GPC5: variants seen among roughly 807,000 people sequenced by gnomAD.
GPC5 encodes glypican 5.
In GPC5, 47 loss-of-function variants were observed where a neutral mutation model predicts 53.9. The observed-to-expected ratio is 0.87, with a 90% CI of 0.69 to 1.11. GPC5 has a LOEUF of 1.11. Among genes scored for constraint, GPC5 ranks in the 50% most tolerant of loss-of-function variants. The pLI, the probability that GPC5 is intolerant of heterozygous loss-of-function variation, is 0.00. For missense variants in GPC5, 748 were observed against 713.1 expected, an observed-to-expected ratio of 1.05 and a Z score of -0.56; for synonymous variants, 286 against 263.3, an observed-to-expected ratio of 1.09 and a Z score of -0.84.
chr13:91,682,321 C>T (rs2035526993), intron 2 of GPC5, among the ~76,000 whole-genome samples: 1 of 152,136 alleles, frequency 6.6e-6, no homozygotes, highest in Non-Finnish European at 1.5e-5. Flanking sequence ...ATGGCAAGTA[C>T]ATGGCAAAAG....
At chr13:92,712,890 A>G (rs1378667443) in intron 7 of GPC5, among the ~76,000 whole-genome samples, 2 of 152,198 alleles carry the variant, frequency 1.3e-5, no homozygotes, top group Non-Finnish European at 2.9e-5. Context: ...GTGAAGACAG[A>G]CGGAGAAGAC....
intron 7 of GPC5, among the ~76,000 whole-genome samples, chr13:92,517,501 G>A (rs142607233): frequency 3.3e-5 from 5 of 152,272 alleles, no homozygotes; most frequent in Non-Finnish European, 4.4e-5. Flanking sequence ...CCAGAGGAAC[G>A]ATCACGCAGC....
At chr13:91,672,330 A>G (rs1263729735) in intron 2 of GPC5, among the ~76,000 whole-genome samples, 6 of 152,200 alleles carry the variant, frequency 3.9e-5, no homozygotes, top group Non-Finnish European at 5.9e-5. Flanking sequence ...AATTTTTGCA[A>G]TCTACCTATC....
chr13:92,481,253 A>G (rs1036255820), intron 7 of GPC5, among the ~76,000 whole-genome samples: 2 of 151,842 alleles, frequency 1.3e-5, no homozygotes, highest in Non-Finnish European at 2.9e-5. Flanking sequence ...GGTGCCCACC[A>G]CCATGCCCAG....
At chr13:91,765,681 A>G (rs1416274983) in intron 5 of GPC5, among the ~76,000 whole-genome samples, 2 of 152,240 alleles carry the variant, frequency 1.3e-5, no homozygotes, top group Admixed American at 1.3e-4. Context: ...TTGAAATAAA[A>G]GAAGTGTACA....
intron 2 of GPC5, among the ~76,000 whole-genome samples, chr13:91,676,730 T>G (rs1206383513): frequency 6.6e-6 from 1 of 152,186 alleles, no homozygotes; most frequent in Non-Finnish European, 1.5e-5. Flanking sequence ...TTTGGAGGCT[T>G]TTGAAAACAC....
At chr13:92,523,389 G>A (rs1314499578) in intron 7 of GPC5, among the ~76,000 whole-genome samples, 2 of 152,090 alleles carry the variant, frequency 1.3e-5, no homozygotes, top group East Asian at 1.9e-4. Flanking sequence ...TAGCAAAAAT[G>A]TTCTTTGATA....
chr13:92,760,609 T>G (rs773626804), intron 7 of GPC5, among the ~76,000 whole-genome samples: 5 of 152,004 alleles, frequency 3.3e-5, no homozygotes, highest in Non-Finnish European at 7.4e-5. Context: ...AAAAACCATC[T>G]GTTCTATTGA....
chr13:92,324,754 G>C (rs1273397998), intron 7 of GPC5, among the ~76,000 whole-genome samples: 6 of 151,660 alleles, frequency 4.0e-5, no homozygotes, highest in Middle Eastern at 6.8e-3. Context: ...TTATTATTAT[G>C]TTAGTGACTT....
At chr13:92,851,542 T>G (rs1462654269) in intron 7 of GPC5, among the ~76,000 whole-genome samples, 3 of 152,140 alleles carry the variant, frequency 2.0e-5, no homozygotes, top group African/African-American at 7.2e-5. Flanking sequence ...TGTATTATTA[T>G]GTTTTCTCTT....
intron 7 of GPC5, among the ~76,000 whole-genome samples, chr13:92,809,990 T>C (rs1877235670): frequency 1.3e-5 from 2 of 152,202 alleles, no homozygotes; most frequent in South Asian, 2.1e-4. Flanking sequence ...AGAAAAATCT[T>C]CTGCAACACT....
chr13:91,739,568 G>C (rs1197055557), intron 4 of GPC5, among the ~76,000 whole-genome samples: 1 of 151,174 alleles, frequency 6.6e-6, no homozygotes, highest in Non-Finnish European at 1.5e-5. Context: ...GCTCAAGTGG[G>C]GCTGGAGTAT....
intron 7 of GPC5, among the ~76,000 whole-genome samples, chr13:92,736,312 T>C (rs1048395967): frequency 6.6e-6 from 1 of 152,038 alleles, no homozygotes; most frequent in Non-Finnish European, 1.5e-5. Context: ...CAGGAAGTTA[T>C]TGCCTAAATG....
chr13:92,564,087 T>C (rs1399215640), intron 7 of GPC5, among the ~76,000 whole-genome samples: 1 of 152,036 alleles, frequency 6.6e-6, no homozygotes, highest in African/African-American at 2.4e-5. Context: ...AGAGAAATAA[T>C]TCAAGAATAA....
intron 6 of GPC5, among the ~76,000 whole-genome samples, chr13:92,083,412 G>GA (rs1172721062): frequency 2.0e-5 from 3 of 151,720 alleles, no homozygotes; most frequent in Non-Finnish European, 4.4e-5. Flanking sequence ...TTCCAGAAAA[G>GA]AAAAAAACAT....
chr13:91,757,872 T>C (rs2037328417), intron 5 of GPC5, among the ~76,000 whole-genome samples: 3 of 152,172 alleles, frequency 2.0e-5, no homozygotes, highest in Admixed American at 6.5e-5. Flanking sequence ...GCAAATTAAC[T>C]TTGCTATGAT....
At chr13:91,418,938 C>T (rs1322465771) in intron 1 of GPC5, among the ~76,000 whole-genome samples, 1 of 151,888 alleles carries the variant, frequency 6.6e-6, no homozygotes, top group Non-Finnish European at 1.5e-5. Flanking sequence ...TTCAGTTGTA[C>T]ATACAGCTGA....
At chr13:92,815,537 ATTTTTT>A (rs151296072) in intron 7 of GPC5, among the ~76,000 whole-genome samples, 1 of 151,468 alleles carries the variant, frequency 6.6e-6, no homozygotes, top group Non-Finnish European at 1.5e-5. Flanking sequence ...TGACTCTGTG[ATTTTTT>A]TTTCTATATA....
intron 7 of GPC5, among the ~76,000 whole-genome samples, chr13:92,366,152 A>G (rs2043606104): frequency 6.6e-6 from 1 of 151,722 alleles, no homozygotes; most frequent in Admixed American, 6.6e-5. Flanking sequence ...TTTTAGCTGT[A>G]TTATGATTGT....
Sources: allele counts gnomAD v4.1 joint callset (sites outside exome capture counted in the v4.1 genomes callset), GRCh38; gene constraint gnomAD v4.1.1; transcripts MANE v1.5; gene names NCBI Gene and HGNC (gene_info 2026-07-23, HGNC 2026-07-21).